Variants in ITGBL1 observed in about 807,000 individuals in gnomAD.
ITGBL1 encodes integrin beta-like protein 1.
Under a neutral mutation model 68.5 loss-of-function variants are expected in ITGBL1, and 51 were observed. The ratio of observed to expected loss-of-function variants is 0.74; its 90% confidence interval spans 0.59 to 0.94. The LOEUF (loss-of-function observed/expected upper bound fraction) is 0.94. Ranked by LOEUF, ITGBL1 falls within the 40% of genes least tolerant of loss-of-function variation. The pLI is 0.00. For missense variants in ITGBL1, 649 were observed against 647.4 expected, an observed-to-expected ratio of 1.00 and a Z score of -0.03; for synonymous variants, 209 against 227.3, an observed-to-expected ratio of 0.92 and a Z score of 0.72.
intron 7 of ITGBL1, among the ~76,000 whole-genome samples, chr13:101,611,115 A>G (rs1037136746): frequency 3.9e-5 from 6 of 152,128 alleles, no homozygotes; most frequent in African/African-American, 1.4e-4. Context: ...CCTCCCACCT[A>G]ACTTCTTCTT....
intron 7 of ITGBL1, among the ~76,000 whole-genome samples, chr13:101,615,527 C>A (rs1336112884): frequency 1.3e-5 from 2 of 152,088 alleles, no homozygotes; most frequent in African/African-American, 4.8e-5. Flanking sequence ...TTAAAAATTA[C>A]ATGTTGAAAC....
chr13:101,549,618 A>T (rs746140746), intron 2 of ITGBL1, among the ~76,000 whole-genome samples: 1 of 152,094 alleles, frequency 6.6e-6, no homozygotes. Context: ...TATGAGGAGA[A>T]CTTCTAAGAA....
intron 2 of ITGBL1, among the ~76,000 whole-genome samples, chr13:101,465,108 G>A (rs557260569): frequency 5.3e-5 from 8 of 152,190 alleles, no homozygotes; most frequent in African/African-American, 1.2e-4. Flanking sequence ...AGTCACATTC[G>A]AATTACAGTT....
At chr13:101,706,486 A>G (rs1312655335) in intron 8 of ITGBL1, among the ~76,000 whole-genome samples, 2 of 152,240 alleles carry the variant, frequency 1.3e-5, no homozygotes, top group African/African-American at 4.8e-5. Flanking sequence ...AGTATTTTCT[A>G]TCAAGAAAGG....
chr13:101,672,810 C>G (rs929348812), intron 7 of ITGBL1, among the ~76,000 whole-genome samples: 1 of 152,120 alleles, frequency 6.6e-6, no homozygotes, highest in Non-Finnish European at 1.5e-5. Flanking sequence ...TCCATGTGTG[C>G]GTGTCCATGT....
chr13:101,666,696 GA>G (rs375846666), intron 7 of ITGBL1, among the ~76,000 whole-genome samples: 38 of 152,116 alleles, frequency 2.5e-4, no homozygotes, highest in Non-Finnish European at 3.7e-4. Flanking sequence ...AACATCTTTT[GA>G]AAGCAAAAAT....
intron 3 of ITGBL1, among the ~76,000 whole-genome samples, chr13:101,569,137 T>A (rs1352286064): frequency 1.4e-5 from 2 of 146,192 alleles, no homozygotes; most frequent in South Asian, 2.3e-4. Context: ...CGCGCGCGCA[T>A]GCCCCATAGC....
chr13:101,477,572 G>T lies in ITGBL1; in HGVS notation c.316+23472G>T, dbSNP rs142629796. Among the ~76,000 whole-genome samples, 1,400 of 151,818 alleles carry T rather than the reference G, an allele frequency of 9.2e-3. 14 individuals are homozygous for T. The highest frequency in any genetic ancestry group is 0.015 in the South Asian group (70 of 4,800). ...GTGTTTTGAAAAGATAAACAAAATTGCCAAACCTTTAGCCAGACTAAAAAA... is the reference window on the plus strand; with the variant it reads ...GTGTTTTGAAAAGATAAACAAAATTTCCAAACCTTTAGCCAGACTAAAAAA... On this transcript the variant is annotated intron_variant, in intron 2 of 10. Transcript: ENST00000376180.
chr13:101,534,633 A>T (rs923194699), intron 2 of ITGBL1, among the ~76,000 whole-genome samples: 2 of 152,122 alleles, frequency 1.3e-5, no homozygotes, highest in Admixed American at 6.6e-5. Context: ...CATCTTCCTG[A>T]TGAAGCAGAA....
chr13:101,556,174 G>A (rs2050002123), intron 2 of ITGBL1, among the ~76,000 whole-genome samples: 1 of 152,140 alleles, frequency 6.6e-6, no homozygotes, highest in African/African-American at 2.4e-5. Flanking sequence ...AATGAGAGGT[G>A]TTATGAGTTG....
At chr13:101,543,333 A>G (rs1241974280) in intron 2 of ITGBL1, among the ~76,000 whole-genome samples, 2 of 152,146 alleles carry the variant, frequency 1.3e-5, no homozygotes, top group African/African-American at 4.8e-5. Context: ...GTTTGGCTGG[A>G]TATGAAATTC....
chr13:101,457,238 G>A (rs978628174), intron 2 of ITGBL1, among the ~76,000 whole-genome samples: 2 of 152,172 alleles, frequency 1.3e-5, no homozygotes, highest in African/African-American at 4.8e-5. Context: ...TGGGTAGATA[G>A]ATAGCTGGCC....
intron 7 of ITGBL1, among the ~76,000 whole-genome samples, chr13:101,605,316 A>G (rs1308911160): frequency 4.1e-5 from 2 of 48,642 alleles, no homozygotes; most frequent in African/African-American, 1.5e-4. Flanking sequence ...GCATGTATAT[A>G]TGCATATGCG....
chr13:101,693,354 A>G (rs1349756592), intron 8 of ITGBL1, among the ~76,000 whole-genome samples: 1 of 152,212 alleles, frequency 6.6e-6, no homozygotes, highest in Non-Finnish European at 1.5e-5. Context: ...AGATCTTTCC[A>G]CGTTTCCAGT....
intron 7 of ITGBL1, among the ~76,000 whole-genome samples, chr13:101,645,872 G>A (rs1018123012): frequency 3.3e-5 from 5 of 152,046 alleles, no homozygotes; most frequent in Non-Finnish European, 4.4e-5. Flanking sequence ...TTGTTTTTTG[G>A]AAATTAAGTG....
At chr13:101,482,237 G>C (rs771292217) in intron 2 of ITGBL1, among the ~76,000 whole-genome samples, 1 of 152,006 alleles carries the variant, frequency 6.6e-6, no homozygotes, top group Non-Finnish European at 1.5e-5. Context: ...CTTTAGGTGT[G>C]GGTTAGCCAT....
intron 2 of ITGBL1, among the ~76,000 whole-genome samples, chr13:101,525,001 A>G (rs1211959180): frequency 6.6e-6 from 1 of 152,182 alleles, no homozygotes; most frequent in Non-Finnish European, 1.5e-5. Context: ...GAATACCTAT[A>G]ATTGAAATTT....
At position 101,638,387 on chromosome 13, in the gene ITGBL1, G is replaced by C. The variant is rs1389519050; in HGVS notation, c.1015+40088G>C. On this transcript the variant is annotated intron_variant, in intron 7 of 10. Coordinates refer to ENST00000376180, the MANE Select transcript of ITGBL1 (RefSeq NM_004791.3). Reference sequence around the variant, plus strand: ...TGAGTATTAAATGAGCTAGCACACAGCTTGGCACATGTTAGGCTTTCAGTA... The same window carrying C: ...TGAGTATTAAATGAGCTAGCACACACCTTGGCACATGTTAGGCTTTCAGTA... Among the ~76,000 whole-genome samples the C allele has an allele frequency of 2.0e-5, 3 of 151,930 alleles. No homozygotes were observed. The East Asian group carries it at 5.8e-4, about 30-fold the overall frequency.
intron 2 of ITGBL1, among the ~76,000 whole-genome samples, chr13:101,460,539 G>A (rs555063510): frequency 6.6e-6 from 1 of 152,336 alleles, no homozygotes; most frequent in South Asian, 2.1e-4. Flanking sequence ...AACATGCACA[G>A]CAATTTTCCT....
Sources: allele counts gnomAD v4.1 joint callset (sites outside exome capture counted in the v4.1 genomes callset), GRCh38; gene constraint gnomAD v4.1.1; transcripts MANE v1.5; gene names NCBI Gene and HGNC (gene_info 2026-07-23, HGNC 2026-07-21).